The following ANK2 variants were observed in gnomAD, a reference collection of about 807,000 sequenced individuals.
The protein encoded by ANK2 is ankyrin-2.
In ANK2, 83 loss-of-function variants were observed where a neutral mutation model predicts 360.5. The ratio of observed to expected loss-of-function variants is 0.23; its 90% CI spans 0.19 to 0.28. The LOEUF is 0.28. ANK2 is among the 10% of genes least tolerant of loss of function. The pLI is 1.00. For synonymous variants in ANK2, 1,740 were observed against 1,759.5 expected (o/e 0.99, Z 0.28); for missense variants, 4,201 against 4,795.7 (o/e 0.88, Z 3.66).
At chr4:113,372,433 G>A (rs1337500965) in intron 43 of ANK2, 2 of 722,196 alleles carry the variant, frequency 2.8e-6, no homozygotes, top group Non-Finnish European at 4.5e-6. Context: ...AAGCCTCCAT[G>A]AATAAAAGTT....
chr4:112,944,381 G>A (rs193155051), intron 2 of ANK2, among the ~76,000 whole-genome samples: 1 of 152,118 alleles, frequency 6.6e-6, no homozygotes, highest in South Asian at 2.1e-4. Context: ...TTTAACTTGG[G>A]TAAATTAAAC....
At chr4:112,712,683 A>G in the ANK2 span, among the ~76,000 whole-genome samples, 2 of 152,180 alleles carry the variant, frequency 1.3e-5, no homozygotes, top group Admixed American at 6.5e-5. Flanking sequence ...CTGGGATTAC[A>G]GGCATGAGCC....
intron 22 of ANK2, among the ~76,000 whole-genome samples, chr4:113,299,813 G>T (rs2074012587): frequency 6.6e-6 from 1 of 151,806 alleles, no homozygotes; most frequent in Non-Finnish European, 1.5e-5. Context: ...CCCTAATACA[G>T]GAAAATGAAT....
In ANK2 at chr4:113,061,851, G is replaced by A. The variant is rs148381360; in HGVS notation, c.84+12039G>A. 7.2e-4 allele frequency among the ~76,000 whole-genome samples: 110 copies of A among 152,224 alleles called. 1 individual carries two copies. The East Asian group carries it at 0.019, about 26-fold the overall frequency. On this transcript the variant is annotated intron_variant, in intron 1 of 45. Coordinates refer to ENST00000357077, the MANE Select transcript of ANK2 (RefSeq NM_001148.6). ...TGTACATTTAAAAATAACTGAAAGAGTATAATTGGATTGTTTGTAGCACAA... is the reference window on the plus strand; with the variant it reads ...TGTACATTTAAAAATAACTGAAAGAATATAATTGGATTGTTTGTAGCACAA...
In ANK2 at chr4:113,373,102, C is replaced by T. The variant is rs762178965; in HGVS notation, c.11623C>T (p.Pro3875Ser). The T allele has an allele frequency of 1.9e-6, 3 of 1,613,958 alleles. No homozygotes were observed. In the South Asian group the frequency reaches 3.3e-5, roughly 18 times the overall value. Residue 3875 changes from proline to serine, a missense_variant, in exon 44 of 46, where the codon CCT (proline) becomes TCT (serine). Around this residue, in one of 4 missense-constraint regions of ANK2, gnomAD observed 2,642 missense variants for 2,714.5 expected, o/e 0.97. Transcript: ENST00000357077. ...CTCAACTGTTTAGGGAGACGATATG[C>T]CTGAAATACCCCCAGAAACAGTCAC... ...DAAFEKGDDMPEIPPETVTEE... is the reference protein window; with the variant it reads ...DAAFEKGDDMSEIPPETVTEE...
chr4:112,954,215 ATCCC>A (rs530640899), intron 2 of ANK2, among the ~76,000 whole-genome samples: 2 of 62,972 alleles, frequency 3.2e-5, no homozygotes, highest in African/African-American at 7.2e-5. Context: ...CTCCCCTCCC[ATCCC>A]TCCCTCCCTC....
At chr4:113,078,520 A>AT (rs973482506) in intron 1 of ANK2, among the ~76,000 whole-genome samples, 7 of 152,228 alleles carry the variant, frequency 4.6e-5, no homozygotes, top group South Asian at 2.1e-4. Flanking sequence ...ACAGATTATG[A>AT]TTTTTTTCCA....
At chr4:112,824,699 T>C (rs956698012) in intron 1 of ANK2, among the ~76,000 whole-genome samples, 1 of 152,044 alleles carries the variant, frequency 6.6e-6, no homozygotes, top group South Asian at 2.1e-4. Flanking sequence ...AGATGGGGTT[T>C]CACCATGCTG....
intron 2 of ANK2, chr4:113,033,903 A>G (rs1326524740): frequency 6.6e-6 from 1 of 151,958 alleles, no homozygotes; most frequent in Non-Finnish European, 1.5e-5. Context: ...TGTCTTAACT[A>G]TCTTGAACAA....
Position 113,124,722 on chromosome 4 carries a change from C to A in ANK2, c.85-49694C>A, listed in dbSNP as rs1444743849. 2.0e-5 allele frequency among the ~76,000 whole-genome samples: 3 copies of A among 152,146 alleles called. No homozygotes were observed. In the East Asian group the frequency reaches 5.8e-4, roughly 29 times the overall value. On this transcript the variant is annotated intron_variant, in intron 1 of 45. Transcript: ENST00000357077. ...ACTCTTTTTTCTCTCATTAGAGTTT[C>A]ATTTATATCCAACTTAGCCTTTTTC...
intron 39 of ANK2, 120 bp downstream of exon 39, chr4:113,361,017 T>A (rs757513537): frequency 7.1e-6 from 6 of 840,370 alleles, no homozygotes; most frequent in Non-Finnish European, 1.2e-5. Flanking sequence ...AAAAGAAGAA[T>A]AAACTAAGAA....
the ANK2 span, among the ~76,000 whole-genome samples, chr4:112,744,432 C>T: frequency 9.3e-5 from 14 of 151,038 alleles, no homozygotes; most frequent in East Asian, 2.4e-3. Flanking sequence ...CTGTAGCCCC[C>T]GCCTCCCGGG....
chr4:113,320,660 A>C (rs1288171280), intron 26 of ANK2, among the ~76,000 whole-genome samples: 2 of 151,772 alleles, frequency 1.3e-5, no homozygotes, highest in Admixed American at 6.6e-5. Context: ...ATCTCCAAAA[A>C]AAACAAAAAC....
At chr4:113,181,747 C>CA (rs2098419922) in intron 2 of ANK2, among the ~76,000 whole-genome samples, 1 of 152,028 alleles carries the variant, frequency 6.6e-6, no homozygotes, top group Admixed American at 6.6e-5. Flanking sequence ...GAGAGAACCG[C>CA]ACAGAAGGAG....
At chr4:112,799,951 A>G in the ANK2 span, among the ~76,000 whole-genome samples, 2 of 152,020 alleles carry the variant, frequency 1.3e-5, no homozygotes, top group African/African-American at 4.8e-5. Flanking sequence ...TCACTCACAT[A>G]GAAGGTTCTT....
At chr4:112,920,348 A>G (rs1186768283) in intron 2 of ANK2, among the ~76,000 whole-genome samples, 5 of 152,224 alleles carry the variant, frequency 3.3e-5, no homozygotes, top group Admixed American at 2.6e-4. Context: ...ACATGGTCTC[A>G]TGACATTAGA....
intron 26 of ANK2, among the ~76,000 whole-genome samples, chr4:113,327,899 AAG>A (rs1455606881): frequency 6.6e-6 from 1 of 152,352 alleles, no homozygotes; most frequent in Admixed American, 6.5e-5. Flanking sequence ...TGAGAACAAA[AAG>A]AGAGTTTCAA....
At chr4:113,003,981 A>G (rs6851571) in intron 2 of ANK2, among the ~76,000 whole-genome samples, 118,125 of 152,074 alleles carry the variant, frequency 0.78, 45,984 homozygotes, top group South Asian at 0.87. Flanking sequence ...CAGTAAAAAT[A>G]CAATATAAAA....
intron 1 of ANK2, among the ~76,000 whole-genome samples, chr4:113,062,957 A>T (rs1384630633): frequency 6.6e-6 from 1 of 152,134 alleles, no homozygotes; most frequent in Non-Finnish European, 1.5e-5. Flanking sequence ...TGTTGACCTT[A>T]AAATGACCTT....
Sources: gnomAD v4.1 joint callset for allele counts (sites outside exome capture counted in the v4.1 genomes callset) on GRCh38, gnomAD v4.1.1 for gene constraint, gnomAD v4.1.1 regional missense constraint, MANE v1.5 for transcripts, NCBI Gene and HGNC (gene_info 2026-07-23, HGNC 2026-07-21) for gene names.